PDIA4: variants seen among roughly 807,000 people sequenced by gnomAD.
PDIA4 encodes protein disulfide isomerase family A member 4, also known as protein disulfide-isomerase A4.
PDIA4 carries 33 observed loss-of-function variants against 62.1 expected under a neutral mutation model. That is an observed-to-expected ratio of 0.53 (90% CI 0.40 to 0.71). The LOEUF is 0.71. PDIA4 is among the 30% of genes least tolerant of loss of function. The pLI is 0.00. For missense variants in PDIA4, 804 were observed against 813.6 expected (o/e 0.99, Z 0.14); for synonymous variants, 341 against 324.1 (o/e 1.05, Z -0.56).
At chr7:149,007,614 C>G (rs1823808093) in intron 7 of PDIA4, among the ~76,000 whole-genome samples, 1 of 152,242 alleles carries the variant, frequency 6.6e-6, no homozygotes, top group African/African-American at 2.4e-5. Context: ...CTGGGAACTC[C>G]CACTGCCCCT....
In PDIA4 at chr7:149,003,818, C is replaced by T; in HGVS notation, c.1914G>A (p.Leu638=). Residue 638 remains leucine (L), a synonymous_variant, in exon 10 of 10, where the codon CTG becomes CTA. Coordinates refer to ENST00000652332, the MANE Select transcript of PDIA4 (RefSeq NM_004911.5). ...TTCAAAGCTCTTCCTTGGTCCTGCT[C>T]AGTTTTGTGGCATGTTCTTCTATAA... ...SKFIEEHATK[L]SRTKEEL 6.4e-7 allele frequency: 1 copy of T among 1,573,512 alleles called. No homozygotes were observed. The highest frequency in any genetic ancestry group is 8.6e-7 in the Non-Finnish European group (1 of 1,159,550).
At chr7:149,025,672 T>C (rs1172260339) in intron 1 of PDIA4, among the ~76,000 whole-genome samples, 1 of 152,230 alleles carries the variant, frequency 6.6e-6, no homozygotes, top group Non-Finnish European at 1.5e-5. Flanking sequence ...TTAACTGCTA[T>C]GCTGTATTGT....
intron 6 of PDIA4, 68 bp downstream of exon 6, chr7:149,011,777 GA>G (rs1362916699): frequency 5.2e-6 from 7 of 1,336,684 alleles, no homozygotes; most frequent in Non-Finnish European, 7.1e-6. Flanking sequence ...GGAGCTTTCT[GA>G]AAAACCAGGC....
intron 2 of PDIA4, among the ~76,000 whole-genome samples, chr7:149,020,433 A>G (rs1824302742): frequency 6.6e-6 from 1 of 152,188 alleles, no homozygotes; most frequent in Non-Finnish European, 1.5e-5. Context: ...AGAGGGACAC[A>G]AGAGCTCTAA....
intron 4 of PDIA4, among the ~76,000 whole-genome samples, chr7:149,014,346 T>C (rs1262704695): frequency 6.6e-6 from 1 of 152,118 alleles, no homozygotes; most frequent in Non-Finnish European, 1.5e-5. Flanking sequence ...GGTGGCCTGA[T>C]GGTCAGACAT....
chr7:149,011,111 G>C (rs28463009), intron 6 of PDIA4, among the ~76,000 whole-genome samples: 33,267 of 152,200 alleles, frequency 0.22, 3,917 homozygotes, highest in Middle Eastern at 0.32. Flanking sequence ...GCACTAAGTA[G>C]CAAGCTGTGC....
intron 4 of PDIA4, among the ~76,000 whole-genome samples, chr7:149,012,923 T>C (rs1824001122): frequency 6.6e-6 from 1 of 151,978 alleles, no homozygotes; most frequent in Admixed American, 6.5e-5. Flanking sequence ...GAGAGTCCCT[T>C]GGAGTCAGTA....
intron 1 of PDIA4, among the ~76,000 whole-genome samples, chr7:149,025,085 A>AATATATATATATATAT (rs869119727): frequency 8.9e-5 from 2 of 22,360 alleles, no homozygotes; most frequent in African/African-American, 1.2e-4. Flanking sequence ...AAAAAAAAAA[A>AATATATATATATATAT]ATATATATAT....
rs868279869 is a variant in PDIA4, at chr7:149,006,028, T to C, written c.1157A>G (p.Lys386Arg). The C allele has an allele frequency of 6.4e-7, 1 of 1,565,732 alleles. No individual in the cohort carries two copies. The highest frequency in any genetic ancestry group is 1.4e-5 in the African/African-American group (1 of 71,458). Residue 386 changes from lysine to arginine, a missense_variant, in exon 8 of 10, where the codon AAG becomes AGG. By Grantham distance (26) the Lys-to-Arg change is conservative (BLOSUM62 2). Transcript: ENST00000652332. ...CAGGGCGTACTTCAGCACGAAGTCC[T>C]TGATGGCCGAGTCCTGGGTGGAGCC... is the stretch of plus-strand genomic sequence containing the variant. ...VQGSTQDSAI[K>R]DFVLKYALPL... is the part of the protein sequence containing the mutation.
At chr7:149,017,212 T>C (rs1212378297) in intron 3 of PDIA4, among the ~76,000 whole-genome samples, 2 of 152,158 alleles carry the variant, frequency 1.3e-5, no homozygotes, top group Admixed American at 6.5e-5. Flanking sequence ...CATCTTTTTT[T>C]TTTTTTCTGC....
Position 149,004,203 on chromosome 7 carries a change from A to G in PDIA4, c.1529T>C (p.Leu510Pro). ...EFVTAFKKGK[L>P]KPVIKSQPVP... ...TGGCTGGGATTTGATGACTGGCTTC[A>G]GTTTTCCTGCCAAGGAAAGCAAGGC... The change falls in exon 10 of 10, where the codon CTG becomes CCG. Residue 510 changes from leucine to proline, a missense_variant. Coordinates refer to ENST00000652332, the MANE Select transcript of PDIA4 (RefSeq NM_004911.5). 1.2e-6 allele frequency: 2 copies of G among 1,611,022 alleles called. No homozygotes were observed. Among genetic ancestry groups the G allele is most frequent in the Non-Finnish European group, 1.7e-6 (2 of 1,177,894 alleles).
At position 149,003,448 on chromosome 7, in the gene PDIA4, G is replaced by A. The variant is rs114962926; in HGVS notation, c.*346C>T. 1.1e-3 allele frequency: 212 copies of A among 184,462 alleles called. No homozygotes were observed. The highest frequency in any genetic ancestry group is 4.6e-3 in the African/African-American group (199 of 42,952). The allele number at this position is 184,462 out of a possible 1,614,324, so 11.4% of individuals were successfully genotyped here. A position where few individuals can be genotyped will look rare whatever the true frequency, so the allele number is the denominator to read the frequency against. On this transcript the variant is annotated 3_prime_UTR_variant, in exon 10 of 10. Transcript: ENST00000652332. ...GCAAAGAGCAAAATCAACATGATTT[G>A]GAAAAGGAATTTTAAACCTTAAATT...
At position 149,019,403 on chromosome 7, in the gene PDIA4, C is replaced by A. The variant is rs934356654; in HGVS notation, c.270-206G>T. Among the ~76,000 whole-genome samples, 12 of 152,126 alleles carry A rather than the reference C, an allele frequency of 7.9e-5. No individual in the cohort carries two copies. In the South Asian group the frequency reaches 2.5e-3, roughly 31 times the overall value. ...TGGATCCCTCATGAATAGGCAAATG[C>A]ACTTTCACGAATGTAGTTTAAAAGA... On this transcript the variant is annotated intron_variant, in intron 2 of 9. Transcript: ENST00000652332.
chr7:149,006,737 G>A (rs1162121699), intron 7 of PDIA4, among the ~76,000 whole-genome samples: 1 of 152,230 alleles, frequency 6.6e-6, no homozygotes, highest in African/African-American at 2.4e-5. Context: ...GGTGGGATGT[G>A]CTGAAAAGGT....
At position 149,012,148 on chromosome 7, in the gene PDIA4, G is replaced by A. The variant is rs771363149; in HGVS notation, c.820+7C>T. ...CACTGTAGTGGGAGAGAAGGGAGTG[G>A]CCATACCATATTTTTCTCGTGGGCC... is the stretch of plus-strand genomic sequence containing the variant. On this transcript the variant is annotated splice_region_variant and intron_variant, in intron 5 of 9. Coordinates refer to ENST00000652332, the MANE Select transcript of PDIA4 (RefSeq NM_004911.5). 40 of 1,613,596 alleles carry A rather than the reference G, an allele frequency of 2.5e-5. No homozygotes were observed. In the Admixed American group the frequency reaches 6.3e-4, roughly 26 times the overall value.
chr7:149,017,178 C>T (rs1298730458), intron 3 of PDIA4, among the ~76,000 whole-genome samples: 1 of 151,964 alleles, frequency 6.6e-6, no homozygotes, highest in Non-Finnish European at 1.5e-5. Context: ...CTCTACTCCA[C>T]ACTGGGAATG....
chr7:149,024,613 G>T (rs956047924), intron 1 of PDIA4, among the ~76,000 whole-genome samples: 94 of 152,006 alleles, frequency 6.2e-4, no homozygotes, highest in African/African-American at 2.2e-3. Flanking sequence ...AGGAGATTAA[G>T]ACCCTCCTGG....
intron 1 of PDIA4, among the ~76,000 whole-genome samples, chr7:149,023,717 C>T (rs867354281): frequency 9.2e-5 from 14 of 152,078 alleles, no homozygotes; most frequent in Non-Finnish European, 1.5e-5. Context: ...CTAATTGGCT[C>T]GGTGCACAGC....
chr7:149,011,932 T>A lies in PDIA4; in HGVS notation c.893A>T (p.Glu298Val). Reference sequence around the variant, plus strand: ...GACATCGTCTCCATCCTTCAGGAACTCCTGGACCTGCTTCAGGGTCAGAAT... The same window carrying A: ...GACATCGTCTCCATCCTTCAGGAACACCTGGACCTGCTTCAGGGTCAGAAT... ...KEILTLKQVQ[E>V]FLKDGDDVII... The change falls in exon 6 of 10, where the codon GAG (glutamate) becomes GTG (valine). Residue 298 changes from glutamate to valine, a missense_variant. Physicochemically the swap from Glu to Val is moderately radical, Grantham distance 121 (BLOSUM62 -2). Coordinates refer to ENST00000652332, the MANE Select transcript of PDIA4 (RefSeq NM_004911.5). The A allele has an allele frequency of 6.2e-7, 1 of 1,610,420 alleles. No individual in the cohort carries two copies. The highest frequency in any genetic ancestry group is 8.5e-7 in the Non-Finnish European group (1 of 1,177,966).
Sources: gnomAD v4.1 joint callset for allele counts (sites outside exome capture counted in the v4.1 genomes callset) on GRCh38, gnomAD v4.1.1 for gene constraint, MANE v1.5 for transcripts, NCBI Gene and HGNC (gene_info 2026-07-23, HGNC 2026-07-21) for gene names.